FAAP20: variants seen among roughly 807,000 people sequenced by gnomAD.
The protein encoded by FAAP20 is FA core complex associated protein 20.
Under a neutral mutation model 16.2 loss-of-function variants are expected in FAAP20, and 12 were observed. The observed-to-expected ratio is 0.74, with a 90% CI of 0.48 to 1.20. FAAP20 has a LOEUF of 1.20. Among genes scored for constraint, FAAP20 ranks in the 50% most tolerant of loss-of-function variants. FAAP20 has a pLI of 0.00. For synonymous variants in FAAP20, 141 were observed against 110.7 expected, an observed-to-expected ratio of 1.27 and a Z score of -1.72; for missense variants, 288 against 245.8, an observed-to-expected ratio of 1.17 and a Z score of -1.15.
Position 2,194,742 on chromosome 1 carries a change from G to T in FAAP20, c.8C>A (p.Ala3Glu). ...CAACCCCAGCCGCGGCCTCCGCGCCGCCTCCATCCAAGCCCGCGCCGGGCG... is the reference window on the plus strand; with the variant it reads ...CAACCCCAGCCGCGGCCTCCGCGCCTCCTCCATCCAAGCCCGCGCCGGGCG... ME[A>E]ARRPRLGLSR... The change falls in exon 1 of 4, where the codon GCG becomes GAG. Residue 3 changes from alanine (A) to glutamate (E), a missense_variant. By Grantham distance (107) the Ala-to-Glu change is moderately radical. Coordinates refer to ENST00000378546, the MANE Select transcript of FAAP20 (RefSeq NM_182533.4). 2 of 1,193,206 alleles carry T rather than the reference G, an allele frequency of 1.7e-6. No individual in the cohort carries two copies. Among genetic ancestry groups the T allele is most frequent in the South Asian group, 3.9e-5 (1 of 25,560 alleles). The allele number at this position is 1,193,206 out of a possible 1,614,324, so 73.9% of individuals were successfully genotyped here.
At chr1:2,211,500 G>A (rs776787963), downstream of FAAP20, among the ~76,000 whole-genome samples, 10 of 124,410 alleles carry the variant, frequency 8.0e-5, no homozygotes, top group Non-Finnish European at 1.6e-4. Context: ...AGGCTGAAGT[G>A]CAGTGGCGCA....
intron 3 of FAAP20, chr1:2,206,162 G>A (rs940362031): frequency 6.6e-6 from 1 of 152,332 alleles, no homozygotes; most frequent in Non-Finnish European, 1.5e-5. Context: ...AGGCAGCAAT[G>A]GTCGATTTCC....
At chr1:2,192,317 G>A in intron 3 of FAAP20, 1 of 987,190 alleles carries the variant, frequency 1.0e-6, no homozygotes, top group Non-Finnish European at 1.2e-6. Context: ...ACGATCAAGT[G>A]TTCGAATGTG....
intron 3 of FAAP20, chr1:2,190,034 T>A: frequency 1.7e-6 from 1 of 600,526 alleles, no homozygotes; most frequent in South Asian, 1.7e-5. Flanking sequence ...GGAAGCTGTG[T>A]CTCAACAAGC....
At chr1:2,203,240 A>G (rs929702176), upstream of FAAP20, among the ~76,000 whole-genome samples, 1 of 152,202 alleles carries the variant, frequency 6.6e-6, no homozygotes, top group Non-Finnish European at 1.5e-5. Flanking sequence ...GGTGGGGCCA[A>G]GGCACAGCTA....
At position 2,193,869 on chromosome 1, in the gene FAAP20, G is replaced by A. The variant is rs767412065; in HGVS notation, c.240C>T (p.Val80=). 7 of 1,612,478 alleles carry A rather than the reference G, an allele frequency of 4.3e-6. No homozygotes were observed. The highest frequency in any genetic ancestry group is 2.2e-5 in the East Asian group (1 of 44,870). The change falls in exon 3 of 4, where the codon GTC becomes GTT. Residue 80 remains valine, a synonymous_variant. Transcript: ENST00000378546. ...GTGTCCAGGAAAAGGTCTTGGGTCC[G>A]ACAGTGAAGACTTCAGTGGGCTCCG... ...CGPEPTEVFT[V]GPKTFSWTPF... is the part of the protein sequence containing the mutation.
downstream of FAAP20, among the ~76,000 whole-genome samples, chr1:2,211,226 C>CTTT (rs56294751): frequency 3.4e-4 from 34 of 101,076 alleles, no homozygotes; most frequent in South Asian, 9.9e-4. Flanking sequence ...TTCTTTCTTT[C>CTTT]TTTTTTTTTT....
chr1:2,185,521 G>A (rs1687456761), downstream of FAAP20: 1 of 716,386 alleles, frequency 1.4e-6, no homozygotes, highest in Non-Finnish European at 2.6e-6. Flanking sequence ...TACCTGTGGG[G>A]ACACACCGCA....
chr1:2,202,795 G>C (rs182836739), upstream of FAAP20, among the ~76,000 whole-genome samples: 3 of 152,208 alleles, frequency 2.0e-5, no homozygotes, highest in Admixed American at 2.0e-4. Flanking sequence ...TTTATTTTTT[G>C]TAAAGATAGG....
intron 3 of FAAP20, among the ~76,000 whole-genome samples, chr1:2,205,399 T>G (rs1195033778): frequency 6.8e-6 from 1 of 147,746 alleles, no homozygotes; most frequent in Non-Finnish European, 1.5e-5. Context: ...GCCGTCCCCG[T>G]GAGCCCCGCG....
At chr1:2,187,280 ATTTTCTTTTTTTTTTTCT>A (rs1440991235), downstream of FAAP20, 39 of 380,620 alleles carry the variant, frequency 1.0e-4, no homozygotes, top group East Asian at 5.4e-4. Context: ...TTCTGAAGCC[ATTTTCTTTTTTTTTTTCT>A]TTTTCTTTTT....
At chr1:2,192,780 T>C (rs562868733) in intron 3 of FAAP20, 37 of 1,113,788 alleles carry the variant, frequency 3.3e-5, no homozygotes, top group Non-Finnish European at 4.2e-5. Flanking sequence ...CGCCCAGGCA[T>C]GTAAAGATGG....
downstream of FAAP20, chr1:2,184,801 C>T: frequency 2.9e-6 from 4 of 1,381,254 alleles, no homozygotes; most frequent in South Asian, 2.5e-5. Flanking sequence ...TGAGTCCCAC[C>T]CGCCTGGTGT....
At chr1:2,186,134 C>CG (rs1687557381), downstream of FAAP20, 1 of 450,302 alleles carries the variant, frequency 2.2e-6, no homozygotes, top group South Asian at 1.6e-5. Flanking sequence ...CCTCATGCCT[C>CG]TGAGTGAGGC....
chr1:2,186,217 AG>A, downstream of FAAP20: 1 of 332,536 alleles, frequency 3.0e-6, no homozygotes, highest in Non-Finnish European at 6.3e-6. Flanking sequence ...TCCATGACTC[AG>A]GGGCCGCTCC....
upstream of FAAP20, chr1:2,201,003 G>A: frequency 7.9e-7 from 1 of 1,260,764 alleles, no homozygotes; most frequent in Non-Finnish European, 1.0e-6. Context: ...TTGATGTCCT[G>A]AGATGAGATG....
chr1:2,199,148 G>A, upstream of FAAP20: 1 of 1,182,578 alleles, frequency 8.5e-7, no homozygotes, highest in Middle Eastern at 3.8e-4. The surrounding 1 kb of genome is among the most constrained non-coding windows in gnomAD (Gnocchi z 4.5). Flanking sequence ...CAGCGGTCCT[G>A]TTTCTGAACC....
downstream of FAAP20, among the ~76,000 whole-genome samples, chr1:2,208,417 C>T (rs1689345478): frequency 6.6e-6 from 1 of 152,222 alleles, no homozygotes. Context: ...TTGTTAACTT[C>T]TCCCCTGCAG....
chr1:2,186,506 G>A (rs262686), downstream of FAAP20, among the ~76,000 whole-genome samples: 194 of 94,806 alleles, frequency 2.0e-3, 6 homozygotes, highest in African/African-American at 7.6e-3. Context: ...GCCCCCCCCC[G>A]GCCAGCTCAG....
Sources: gnomAD v4.1 joint callset for allele counts (sites outside exome capture counted in the v4.1 genomes callset) on GRCh38, gnomAD v4.1.1 for gene constraint, Gnocchi (gnomAD v3.1) non-coding constraint, MANE v1.5 for transcripts, NCBI Gene and HGNC (gene_info 2026-07-23, HGNC 2026-07-21) for gene names.